Variants in MGAT4C observed in about 807,000 individuals in gnomAD.
The protein encoded by MGAT4C is alpha-1,3-mannosyl-glycoprotein 4-beta-N-acetylglucosaminyltransferase C.
A neutral mutation model predicts 40.1 loss-of-function variants in MGAT4C; 19 were observed. The observed-to-expected ratio is 0.47, with a 90% CI of 0.33 to 0.70. The LOEUF is 0.70. Ranked by LOEUF, MGAT4C falls within the 30% of genes least tolerant of loss-of-function variation. The pLI, the probability that MGAT4C is intolerant of heterozygous loss-of-function variation, is 0.02. For missense variants in MGAT4C, 491 were observed against 563.2 expected (o/e 0.87, Z 1.30); for synonymous variants, 181 against 187.1 (o/e 0.97, Z 0.27).
chr12:86,489,329 T>C (rs374658016), intron 2 of MGAT4C, among the ~76,000 whole-genome samples: 1 of 152,138 alleles, frequency 6.6e-6, no homozygotes, highest in Non-Finnish European at 1.5e-5. Flanking sequence ...ATTCTCTACA[T>C]TCATCACCTT....
chr12:86,434,036 G>A (rs1021997396), intron 3 of MGAT4C, among the ~76,000 whole-genome samples: 3 of 152,122 alleles, frequency 2.0e-5, no homozygotes, highest in East Asian at 3.9e-4. Context: ...TTATTAGACA[G>A]ACATGGCAAG....
At chr12:86,429,640 ACT>A (rs1956995259) in intron 3 of MGAT4C, among the ~76,000 whole-genome samples, 1 of 151,882 alleles carries the variant, frequency 6.6e-6, no homozygotes, top group African/African-American at 2.4e-5. Context: ...GTTGAGAAAT[ACT>A]CTGATAGTAA....
chr12:86,157,220 A>G (rs1885056987), intron 1 of MGAT4C, among the ~76,000 whole-genome samples: 1 of 152,180 alleles, frequency 6.6e-6, no homozygotes, highest in Non-Finnish European at 1.5e-5. Context: ...AACTAAGTAG[A>G]TGATTACATT....
At chr12:86,539,743 G>A (rs528618974) in intron 2 of MGAT4C, among the ~76,000 whole-genome samples, 19 of 152,238 alleles carry the variant, frequency 1.2e-4, no homozygotes, top group Admixed American at 1.0e-3. Flanking sequence ...TCTCATTGTG[G>A]TTTTGATTTG....
At chr12:86,062,533 G>A (rs548385275) in intron 1 of MGAT4C, among the ~76,000 whole-genome samples, 1 of 152,098 alleles carries the variant, frequency 6.6e-6, no homozygotes, top group East Asian at 1.9e-4. Flanking sequence ...GGAGTTTGAC[G>A]AATTGACAGA....
chr12:86,334,404 C>G (rs539177460), intron 3 of MGAT4C, among the ~76,000 whole-genome samples: 6 of 152,076 alleles, frequency 3.9e-5, no homozygotes, highest in Non-Finnish European at 8.8e-5. Flanking sequence ...CATAAACATG[C>G]AAAATGGCTG....
rs575826380 is a variant in MGAT4C, at chr12:86,789,809, A to G, written c.-262+48857T>C. On this transcript the variant is annotated intron_variant, in intron 1 of 7. Coordinates refer to the MGAT4C transcript ENST00000548651. Reference sequence around the variant, plus strand: ...CCATAATTCTAAAAACTTTGAATAGATTAACTTATAACTTTACAATAACTG... The same window carrying G: ...CCATAATTCTAAAAACTTTGAATAGGTTAACTTATAACTTTACAATAACTG... Among the ~76,000 whole-genome samples the G allele has an allele frequency of 1.4e-4, 21 of 152,288 alleles. No individual in the cohort carries two copies. In the East Asian group the frequency reaches 3.7e-3, roughly 27 times the overall value.
At chr12:86,216,474 T>C (rs1409266697) in intron 1 of MGAT4C, among the ~76,000 whole-genome samples, 2 of 152,240 alleles carry the variant, frequency 1.3e-5, no homozygotes, top group Non-Finnish European at 2.9e-5. Context: ...AATTTGGATC[T>C]AGAAGTTTTT....
chr12:86,018,293 T>TA (rs1216161190), intron 2 of MGAT4C, among the ~76,000 whole-genome samples: 1 of 152,188 alleles, frequency 6.6e-6, no homozygotes. Flanking sequence ...TCATTTATAT[T>TA]AAAATCAACA....
At chr12:86,268,712 T>C (rs1314133600) in intron 4 of MGAT4C, among the ~76,000 whole-genome samples, 3 of 146,794 alleles carry the variant, frequency 2.0e-5, no homozygotes, top group Non-Finnish European at 3.0e-5. Flanking sequence ...TATATATATA[T>C]ACACATACAC....
At chr12:86,384,807 C>T (rs753285221) in intron 3 of MGAT4C, among the ~76,000 whole-genome samples, 3 of 152,148 alleles carry the variant, frequency 2.0e-5, no homozygotes, top group Non-Finnish European at 4.4e-5. Flanking sequence ...TGTGTAAGTT[C>T]GTATCTTCTA....
chr12:86,122,836 A>G (rs539606335), intron 1 of MGAT4C, among the ~76,000 whole-genome samples: 2 of 152,278 alleles, frequency 1.3e-5, no homozygotes, highest in South Asian at 4.1e-4. Flanking sequence ...AGTATTCTTA[A>G]TACATCATCA....
chr12:86,483,026 T>C (rs969324144), intron 2 of MGAT4C, among the ~76,000 whole-genome samples: 1 of 152,212 alleles, frequency 6.6e-6, no homozygotes, highest in Non-Finnish European at 1.5e-5. Flanking sequence ...TAACAAAATA[T>C]CATAGACTGG....
intron 1 of MGAT4C, among the ~76,000 whole-genome samples, chr12:86,058,382 T>A (rs1247770690): frequency 6.6e-6 from 1 of 152,098 alleles, no homozygotes; most frequent in East Asian, 1.9e-4. Flanking sequence ...TCATGACTTC[T>A]TTCAGCAAGA....
Position 86,326,073 on chromosome 12 carries a change from T to C in MGAT4C, c.-57+7992A>G, listed in dbSNP as rs548103674. Among the ~76,000 whole-genome samples, 36 of 152,224 alleles carry C rather than the reference T, an allele frequency of 2.4e-4. 1 individual carries two copies. The East Asian group carries it at 6.6e-3, about 28-fold the overall frequency. On this transcript the variant is annotated intron_variant, in intron 4 of 7. Transcript: ENST00000548651. ...ATTACTGATCTGAGCTTGCCTATTA[T>C]TTAGAATAAGAATAATATTTTATTT... is the stretch of plus-strand genomic sequence containing the variant.
At chr12:86,105,289 T>C (rs61931148) in intron 1 of MGAT4C, among the ~76,000 whole-genome samples, 11,482 of 152,164 alleles carry the variant, frequency 0.075, 589 homozygotes, top group Middle Eastern at 0.21. Context: ...GGGAGTCTGA[T>C]TGAATATCAG....
intron 2 of MGAT4C, among the ~76,000 whole-genome samples, chr12:86,492,485 A>G (rs1037772766): frequency 4.6e-5 from 7 of 152,300 alleles, no homozygotes; most frequent in African/African-American, 1.7e-4. Context: ...CCTCAGAAAT[A>G]ACACCGCGTA....
At chr12:86,473,832 G>A (rs1055112634) in intron 2 of MGAT4C, among the ~76,000 whole-genome samples, 6 of 152,010 alleles carry the variant, frequency 3.9e-5, no homozygotes, top group Admixed American at 2.0e-4. Flanking sequence ...GGAGAGAATC[G>A]GGCCTTTTTA....
chr12:86,632,761 G>A (rs1963100846), intron 2 of MGAT4C, among the ~76,000 whole-genome samples: 1 of 151,086 alleles, frequency 6.6e-6, no homozygotes, highest in East Asian at 2.0e-4. Context: ...CTGTTGTGGG[G>A]TGGGGGGATG....
Sources: gnomAD v4.1 joint callset for allele counts (sites outside exome capture counted in the v4.1 genomes callset) on GRCh38, gnomAD v4.1.1 for gene constraint, MANE v1.5 for transcripts, NCBI Gene and HGNC (gene_info 2026-07-23, HGNC 2026-07-21) for gene names.